SACS: variants seen among roughly 807,000 people sequenced by gnomAD.
SACS encodes the protein sacsin.
SACS carries 197 observed loss-of-function variants against 348.0 expected under a neutral mutation model. The ratio of observed to expected loss-of-function variants is 0.57; its 90% confidence interval spans 0.50 to 0.64. The LOEUF (loss-of-function observed/expected upper bound fraction) is 0.64, where lower values mean the gene tolerates loss of function less well. SACS is among the 30% of genes least tolerant of loss of function. The probability of loss-of-function intolerance (pLI) is 0.00; values close to 1 mark genes in which losing one functional copy is unlikely to be tolerated. For synonymous variants in SACS, 1,985 were observed against 1,910.6 expected (o/e 1.04, Z -1.02); for missense variants, 4,999 against 5,360.8 (o/e 0.93, Z 2.11).
chr13:23,336,624 C>T lies in SACS; in HGVS notation c.7252G>A (p.Glu2418Lys). The change falls in exon 10 of 10, where the codon GAA (glutamate) becomes AAA (lysine). Residue 2418 changes from glutamate (E) to lysine (K), a missense_variant. Glu to Lys is a moderately conservative substitution (Grantham distance 56). Coordinates refer to ENST00000382292, the MANE Select transcript of SACS (RefSeq NM_014363.6). Reference protein sequence around the residue: ...DQERGTKQITEENFQLCRRII... With the variant: ...DQERGTKQITKENFQLCRRII... ...CGTCGGCAAAGCTGAAAATTCTCTT[C>T]TGTTATTTGCTTTGTTCCTCTTTCT... The T allele has an allele frequency of 2.5e-6, 4 of 1,613,770 alleles. No homozygotes were observed. The highest frequency in any genetic ancestry group is 3.4e-6 in the Non-Finnish European group (4 of 1,179,834).
At position 23,404,812 on chromosome 13, in the gene SACS, G is replaced by A. The variant is rs143251348; in HGVS notation, c.20+6408C>T. Among the ~76,000 whole-genome samples, 831 of 152,114 alleles carry A rather than the reference G, an allele frequency of 5.5e-3. 10 individuals carry two copies. Among genetic ancestry groups the A allele is most frequent in the African/African-American group, 0.019 (800 of 41,492 alleles). On this transcript the variant is annotated intron_variant, in intron 2 of 9. Coordinates refer to ENST00000382292, the MANE Select transcript of SACS (RefSeq NM_014363.6). ...CATGAGCGAACTTTCATTCACAATC[G>A]CTACAAAAAGAATAAAATACCTAAG...
chr13:23,354,334 A>G (rs1446835190), intron 8 of SACS, among the ~76,000 whole-genome samples, 185 bp downstream of exon 8: 2 of 152,224 alleles, frequency 1.3e-5, no homozygotes, highest in Non-Finnish European at 2.9e-5. Flanking sequence ...AAACATTTGA[A>G]TACTTTTTCA....
At chr13:23,354,432 T>A (rs566683247) in intron 8 of SACS, 87 bp downstream of exon 8, 1 of 1,176,286 alleles carries the variant, frequency 8.5e-7, no homozygotes, top group Admixed American at 1.8e-5. Context: ...TAGAAAACCA[T>A]TGAATTTCAC....
rs184541898 is a variant in SACS at position 23,340,453 on chromosome 13, C to T, written c.3423G>A (p.Leu1141=). The part of the protein sequence containing the change: ...LLLVLNKNHT[L]LQSSEGKMTL... ...TCATCTTTCCTTCAGATGATTGCAA[C>T]AGTGTGTGATTCTTATTTAAAACCA... The change falls in exon 10 of 10, where the codon CTG becomes CTA. Residue 1141 remains leucine, a synonymous_variant. Transcript: ENST00000382292. The T allele has an allele frequency of 1.7e-5, 28 of 1,613,936 alleles. No individual in the cohort carries two copies. In the Admixed American group the frequency reaches 2.2e-4, roughly 12 times the overall value.
chr13:23,329,502 TA>T lies in SACS; in HGVS notation c.*633del, dbSNP rs769953959. The T allele has an allele frequency of 5.3e-4, 392 of 733,428 alleles. 1 individual carries two copies. In the East Asian group the frequency reaches 5.8e-3, roughly 11 times the overall value. The allele number at this position is 733,428 out of a possible 1,614,324, so 45.4% of individuals were successfully genotyped here. ...CAGGAAGCCTGTAAACATAAGATGT[TA>T]AAAAAAAATTTAAATAAAGATGTAA... is the stretch of plus-strand genomic sequence containing the variant. On this transcript the variant is annotated 3_prime_UTR_variant, in exon 10 of 10. Coordinates refer to ENST00000382292, the MANE Select transcript of SACS (RefSeq NM_014363.6).
intron 1 of SACS, among the ~76,000 whole-genome samples, chr13:23,432,232 C>A (rs766871578): frequency 1.3e-5 from 2 of 152,158 alleles, no homozygotes; most frequent in Non-Finnish European, 2.9e-5. Context: ...TATAATTGGA[C>A]TTTTCTTCCT....
intron 1 of SACS, among the ~76,000 whole-genome samples, chr13:23,433,229 T>C (rs535686087): frequency 1.1e-4 from 17 of 152,274 alleles, no homozygotes; most frequent in African/African-American, 3.8e-4. Flanking sequence ...AACAGCTCCA[T>C]TGTGGCGGTG....
chr13:23,387,070 G>A (rs1218331465), intron 2 of SACS, among the ~76,000 whole-genome samples: 2 of 152,068 alleles, frequency 1.3e-5, no homozygotes, highest in African/African-American at 4.8e-5. Flanking sequence ...TTTCCAAAAT[G>A]CGACACAGAG....
rs891847117 is a variant in SACS at position 23,433,670 on chromosome 13, C to G, written c.-557G>C. 4 of 152,364 alleles carry G rather than the reference C, an allele frequency of 2.6e-5. No individual in the cohort carries two copies. Among genetic ancestry groups the G allele is most frequent in the African/African-American group, 9.6e-5 (4 of 41,474 alleles). 9.4% of individuals were successfully genotyped at this position (152,364 alleles called of 1,614,324 possible). On this transcript the variant is annotated 5_prime_UTR_variant, in exon 1 of 10. Coordinates refer to ENST00000382292, the MANE Select transcript of SACS (RefSeq NM_014363.6). ...CTTTGTTTTCCTCCAGTGCCATCAGCAGTTCCCAGCGTGACTGTCCCGCAG... is the reference window on the plus strand; with the variant it reads ...CTTTGTTTTCCTCCAGTGCCATCAGGAGTTCCCAGCGTGACTGTCCCGCAG...
At position 23,338,006 on chromosome 13, in the gene SACS, G is replaced by A; in HGVS notation, c.5870C>T (p.Ser1957Phe). 1.9e-6 allele frequency: 3 copies of A among 1,613,736 alleles called. No homozygotes were observed. Among genetic ancestry groups the A allele is most frequent in the Non-Finnish European group, 2.5e-6 (3 of 1,179,906 alleles). Reference sequence around the variant, plus strand: ...TTCATAAAATCCTTGGCAAATTACAGAAAAATCATCATGAACTAAATCAGG... The same window carrying A: ...TTCATAAAATCCTTGGCAAATTACAAAAAAATCATCATGAACTAAATCAGG... The part of the protein sequence containing the change: ...PDPDLVHDDF[S>F]VICQGFYEDI... The change falls in exon 10 of 10, where the codon TCT (serine) becomes TTT (phenylalanine). Residue 1957 changes from serine to phenylalanine, a missense_variant. By Grantham distance (155) the Ser-to-Phe change is radical. This residue lies in a region of SACS where 3,156 missense variants were observed against 3,380.1 expected (regional missense o/e 0.93). Transcript: ENST00000382292.
intron 4 of SACS, among the ~76,000 whole-genome samples, chr13:23,368,891 G>A (rs879664400): frequency 2.2e-4 from 34 of 151,996 alleles, no homozygotes; most frequent in Non-Finnish European, 4.3e-4. Context: ...AGTAGAGATG[G>A]GGTTTCACCA....
intron 1 of SACS, among the ~76,000 whole-genome samples, chr13:23,426,083 G>C (rs972274885): frequency 6.6e-6 from 1 of 152,152 alleles, no homozygotes; most frequent in African/African-American, 2.4e-5. Context: ...GAAGAGTCCA[G>C]CAACAGCCCA....
chr13:23,332,830 G>C lies in SACS; in HGVS notation c.11046C>G (p.Phe3682Leu), dbSNP rs1243546500. The C allele has an allele frequency of 3.1e-6, 5 of 1,613,654 alleles. No homozygotes were observed. The highest frequency in any genetic ancestry group is 4.2e-6 in the Non-Finnish European group (5 of 1,179,944). ...ATTTTGGATTTACCTGTGCTCCATT[G>C]AACTTTATAAGAGGAAGTGTTCCAT... is the stretch of plus-strand genomic sequence containing the variant. Reference protein sequence around the residue: ...EVNGTLPLIKFNGAQVNPKFK... With the variant: ...EVNGTLPLIKLNGAQVNPKFK... The change falls in exon 10 of 10, where the codon TTC becomes TTG. Residue 3682 changes from phenylalanine (F) to leucine (L), a missense_variant. Phe to Leu is a conservative substitution (Grantham distance 22). Around this residue, in one of 6 missense-constraint regions of SACS, gnomAD observed 831 missense variants for 941.8 expected, o/e 0.88. Transcript: ENST00000382292.
chr13:23,404,855 A>G lies in SACS; in HGVS notation c.20+6365T>C, dbSNP rs147507894. On this transcript the variant is annotated intron_variant, in intron 2 of 9. Transcript: ENST00000382292. ...TACCTAAGAATACACCTTACATGGGATGTGAAGGACCTTTTCAAGGAGGAC... is the reference window on the plus strand; with the variant it reads ...TACCTAAGAATACACCTTACATGGGGTGTGAAGGACCTTTTCAAGGAGGAC... 3.9e-5 allele frequency among the ~76,000 whole-genome samples: 6 copies of G among 152,308 alleles called. No homozygotes were observed. In the East Asian group the frequency reaches 7.7e-4, roughly 20 times the overall value.
chr13:23,359,874 A>T (rs1225499867), intron 6 of SACS, among the ~76,000 whole-genome samples: 1 of 152,160 alleles, frequency 6.6e-6, no homozygotes, highest in Non-Finnish European at 1.5e-5. Context: ...CCATCAATTC[A>T]GGGACAGACA....
At chr13:23,350,917 A>G (rs534487447) in intron 9 of SACS, among the ~76,000 whole-genome samples, 3 of 152,324 alleles carry the variant, frequency 2.0e-5, no homozygotes, top group South Asian at 4.1e-4. Flanking sequence ...TAGTAGGGGC[A>G]GGACCTCTGG....
In SACS at chr13:23,375,250, G is replaced by A; in HGVS notation, c.40C>T (p.Leu14Phe). Residue 14 changes from leucine (L) to phenylalanine (F), a missense_variant, in exon 3 of 10, where the codon CTC becomes TTC. Leu to Phe is a conservative substitution (Grantham distance 22). This residue lies in a region of SACS where 3,156 missense variants were observed against 3,380.1 expected (regional missense o/e 0.93). Coordinates refer to ENST00000382292, the MANE Select transcript of SACS (RefSeq NM_014363.6). ...GTCCTGCAGCCCACGCAGCCGGGGAGCACGGTCACCGGGACCCACCTGTGG... is the reference window on the plus strand; with the variant it reads ...GTCCTGCAGCCCACGCAGCCGGGGAACACGGTCACCGGGACCCACCTGTGG... Reference protein sequence around the residue: ...KENRWVPVTVLPGCVGCRTVA... With the variant: ...KENRWVPVTVFPGCVGCRTVA... The A allele has an allele frequency of 1.4e-6, 2 of 1,479,302 alleles. No individual in the cohort carries two copies. Among genetic ancestry groups the A allele is most frequent in the Non-Finnish European group, 1.8e-6 (2 of 1,112,256 alleles). The allele number at this position is 1,479,302 out of a possible 1,614,324, so 91.6% of individuals were successfully genotyped here.
chr13:23,428,224 A>G (rs1038709530), intron 1 of SACS: 31 of 152,162 alleles, frequency 2.0e-4, no homozygotes, highest in Admixed American at 7.9e-4. Context: ...ATATGGTGAA[A>G]GCTGACCCTT....
At chr13:23,366,604 G>C (rs532935425) in intron 5 of SACS, among the ~76,000 whole-genome samples, 1 of 152,298 alleles carries the variant, frequency 6.6e-6, no homozygotes, top group African/African-American at 2.4e-5. Context: ...TAGCACTTTA[G>C]ATGTTCGACC....
Sources: allele counts gnomAD v4.1 joint callset (sites outside exome capture counted in the v4.1 genomes callset), GRCh38; gene constraint gnomAD v4.1.1; regional missense constraint gnomAD v4.1.1; transcripts MANE v1.5; gene names NCBI Gene and HGNC (gene_info 2026-07-23, HGNC 2026-07-21).